Variants in RNLS observed in about 807,000 individuals in gnomAD.
RNLS encodes the protein renalase.
RNLS carries 39 observed loss-of-function variants against 39.8 expected under a neutral mutation model. The observed-to-expected ratio is 0.98, with a 90% CI of 0.76 to 1.28. RNLS has a LOEUF of 1.28. Ranked by LOEUF, RNLS falls within the 50% of genes most tolerant of loss-of-function variation. The pLI is 0.00. For synonymous variants in RNLS, 147 were observed against 150.7 expected, an observed-to-expected ratio of 0.98 and a Z score of 0.18; for missense variants, 410 against 413.3, an observed-to-expected ratio of 0.99 and a Z score of 0.07.
chr10:88,176,017 A>C, the RNLS span, among the ~76,000 whole-genome samples: 1 of 152,168 alleles, frequency 6.6e-6, no homozygotes, highest in African/African-American at 2.4e-5. Context: ...TTTTGATATA[A>C]TAGCAATTAC....
intron 3 of RNLS, among the ~76,000 whole-genome samples, chr10:88,575,219 TATATATATATATATACAC>T (rs1165525706): frequency 2.0e-5 from 1 of 50,826 alleles, no homozygotes; most frequent in African/African-American, 1.5e-4. Flanking sequence ...TGTGTGTATA[TATATATATATATATACAC>T]ATATATATAC....
chr10:88,413,680 T>C (rs142251111), intron 4 of RNLS, among the ~76,000 whole-genome samples: 70 of 152,320 alleles, frequency 4.6e-4, no homozygotes, highest in African/African-American at 1.5e-3. Context: ...TCTTCCTTCC[T>C]CTTTCAGATA....
At chr10:88,419,893 C>T (rs1354467056) in intron 4 of RNLS, among the ~76,000 whole-genome samples, 6 of 151,878 alleles carry the variant, frequency 4.0e-5, no homozygotes. Context: ...GGCTGTAATC[C>T]CAGCTACTCT....
At chr10:88,251,920 T>C in the RNLS span, among the ~76,000 whole-genome samples, 10 of 152,300 alleles carry the variant, frequency 6.6e-5, no homozygotes, top group Admixed American at 3.9e-4. Context: ...CCTCTTCCAA[T>C]GGTGCACCAC....
intron 4 of RNLS, among the ~76,000 whole-genome samples, chr10:88,407,814 T>C (rs139618946): frequency 1.2e-4 from 19 of 152,106 alleles, no homozygotes; most frequent in African/African-American, 4.3e-4. Context: ...CTGTAGCACA[T>C]GGAAATCTCT....
the RNLS span, among the ~76,000 whole-genome samples, chr10:88,185,828 A>G: frequency 3.3e-5 from 5 of 152,206 alleles, no homozygotes; most frequent in African/African-American, 1.2e-4. Flanking sequence ...GTAAAATTTT[A>G]ATTAATGTCC....
At chr10:88,317,889 G>T (rs1372058714) in intron 5 of RNLS, among the ~76,000 whole-genome samples, 1 of 152,206 alleles carries the variant, frequency 6.6e-6, no homozygotes, top group Non-Finnish European at 1.5e-5. Context: ...GTGCTAAGGG[G>T]TAGTGGGTGT....
At chr10:88,454,902 T>G (rs1189207070) in intron 4 of RNLS, among the ~76,000 whole-genome samples, 1 of 152,232 alleles carries the variant, frequency 6.6e-6, no homozygotes, top group African/African-American at 2.4e-5. Context: ...ATTGGAACTA[T>G]TTGATCTATA....
At chr10:88,335,610 C>T (rs1307163181) in intron 5 of RNLS, among the ~76,000 whole-genome samples, 1 of 152,130 alleles carries the variant, frequency 6.6e-6, no homozygotes, top group Admixed American at 6.5e-5. Context: ...CTAAGAGCTG[C>T]CTCATTAGCT....
the RNLS span, among the ~76,000 whole-genome samples, chr10:88,207,469 C>T: frequency 6.6e-6 from 1 of 152,072 alleles, no homozygotes; most frequent in Admixed American, 6.6e-5. Flanking sequence ...ATTAAAACCA[C>T]AGTGAGATAC....
chr10:88,533,644 T>C (rs183775509), intron 4 of RNLS, among the ~76,000 whole-genome samples: 29 of 152,150 alleles, frequency 1.9e-4, no homozygotes, highest in African/African-American at 6.5e-4. Context: ...TGACTAACGA[T>C]AGGCAGATCC....
intron 4 of RNLS, among the ~76,000 whole-genome samples, chr10:88,501,050 C>G (rs1309270011): frequency 6.6e-6 from 1 of 151,340 alleles, no homozygotes; most frequent in African/African-American, 2.4e-5. Context: ...TATATGTACA[C>G]TAAACACCAT....
intron 4 of RNLS, among the ~76,000 whole-genome samples, chr10:88,364,687 T>C (rs1849911436): frequency 6.6e-6 from 1 of 152,206 alleles, no homozygotes; most frequent in African/African-American, 2.4e-5. Context: ...TATTTCCCTT[T>C]AACTATAATT....
chr10:88,393,834 C>T (rs1024287806), intron 4 of RNLS, among the ~76,000 whole-genome samples: 19 of 152,090 alleles, frequency 1.2e-4, no homozygotes, highest in African/African-American at 4.1e-4. Flanking sequence ...CATACTGGTA[C>T]CAAAACAGAG....
chr10:88,542,868 T>C (rs1848119856), intron 4 of RNLS, among the ~76,000 whole-genome samples: 1 of 152,102 alleles, frequency 6.6e-6, no homozygotes, highest in South Asian at 2.1e-4. Context: ...TCACAAAATA[T>C]AATAAAAAAT....
downstream of RNLS, among the ~76,000 whole-genome samples, chr10:88,270,839 G>C (rs1842630528): frequency 6.6e-6 from 1 of 152,116 alleles, no homozygotes; most frequent in South Asian, 2.1e-4. Flanking sequence ...CGTTTATTTG[G>C]AAAGGGTTTC....
the RNLS span, among the ~76,000 whole-genome samples, chr10:88,206,645 T>C: frequency 6.6e-6 from 1 of 152,106 alleles, no homozygotes; most frequent in Non-Finnish European, 1.5e-5. Context: ...CCTATTAAAG[T>C]TCAGGAATAG....
At chr10:88,366,254 G>A (rs1409491180) in intron 4 of RNLS, among the ~76,000 whole-genome samples, 4 of 152,008 alleles carry the variant, frequency 2.6e-5, no homozygotes, top group African/African-American at 4.8e-5. Context: ...GGATTTACAC[G>A]GGAAGCTACT....
At chr10:88,374,295 T>C (rs1220844369) in intron 4 of RNLS, among the ~76,000 whole-genome samples, 2 of 152,088 alleles carry the variant, frequency 1.3e-5, no homozygotes, top group Non-Finnish European at 2.9e-5. Context: ...ACTTCAATTA[T>C]AGACCAGGTT....
Sources: allele counts gnomAD v4.1 joint callset (sites outside exome capture counted in the v4.1 genomes callset), GRCh38; gene constraint gnomAD v4.1.1; transcripts MANE v1.5; gene names NCBI Gene and HGNC (gene_info 2026-07-23, HGNC 2026-07-21).